GINS2: variants seen among roughly 807,000 people sequenced by gnomAD.
The protein encoded by GINS2 is GINS complex subunit 2, also known as DNA replication complex GINS protein PSF2.
GINS2 carries 23 observed loss-of-function variants against 21.2 expected under a neutral mutation model. That is an observed-to-expected ratio of 1.08 (90% CI 0.78 to 1.53). The LOEUF is 1.53. GINS2 is among the 40% of genes most tolerant of loss of function. The pLI, the probability that GINS2 is intolerant of heterozygous loss-of-function variation, is 0.00. For synonymous variants in GINS2, 118 were observed against 85.6 expected, an observed-to-expected ratio of 1.38 and a Z score of -2.09; for missense variants, 323 against 233.9, an observed-to-expected ratio of 1.38 and a Z score of -2.49.
At chr16:85,686,010 G>C (rs2053773944) in intron 2 of GINS2, among the ~76,000 whole-genome samples, 1 of 137,724 alleles carries the variant, frequency 7.3e-6, no homozygotes, top group Non-Finnish European at 1.6e-5. Flanking sequence ...AAAAAATTAA[G>C]ATTTTTTTTC....
intron 4 of GINS2, 42 bp from the exon 5 acceptor site, chr16:85,678,379 A>T: frequency 6.2e-7 from 1 of 1,609,378 alleles, no homozygotes; most frequent in South Asian, 1.1e-5. Flanking sequence ...GGAGTTTTTG[A>T]TTTTGAGAAA....
At chr16:85,681,518 G>C (rs116214397) in intron 3 of GINS2, 64 bp downstream of exon 3, 1 of 954,542 alleles carries the variant, frequency 1.0e-6, no homozygotes. Flanking sequence ...AAGGACGAGG[G>C]TTAGGGGAAG....
intron 4 of GINS2, 89 bp from the exon 5 acceptor site, chr16:85,678,426 G>A (rs2053703819): frequency 1.9e-6 from 3 of 1,555,688 alleles, no homozygotes; most frequent in Non-Finnish European, 2.6e-6. Context: ...AGAAACCAAT[G>A]AACTGTTGAA....
rs753753741 is a variant in GINS2, at chr16:85,688,859, G to A, written c.40C>T (p.Leu14=). 7.1e-5 allele frequency: 110 copies of A among 1,544,036 alleles called. No individual in the cohort carries two copies. Among genetic ancestry groups the A allele is most frequent in the Non-Finnish European group, 9.2e-5 (105 of 1,143,416 alleles). Residue 14 remains leucine (L), a synonymous_variant, in exon 1 of 5, where the codon CTG becomes TTG. Coordinates refer to ENST00000253462, the MANE Select transcript of GINS2 (RefSeq NM_016095.3). ...CTGAAGTTGGGGATAATGGTAACCAGCTCCTTCTCGGCGAGGAATTCGACC... is the reference window on the plus strand; with the variant it reads ...CTGAAGTTGGGGATAATGGTAACCAACTCCTTCTCGGCGAGGAATTCGACC... The part of the protein sequence containing the change: ...AEVEFLAEKE[L]VTIIPNFSLD...
At chr16:85,682,021 C>CTTTTTTTTTTTT (rs56847154) in intron 2 of GINS2, among the ~76,000 whole-genome samples, 4 of 73,336 alleles carry the variant, frequency 5.5e-5, no homozygotes, top group African/African-American at 1.8e-4. Context: ...CCTTTACCGC[C>CTTTTTTTTTTTT]TTTTTTTTTT....
At chr16:85,685,685 A>AAAAAAAAAAAAAAAAAC (rs56405044) in intron 2 of GINS2, among the ~76,000 whole-genome samples, 12 of 120,876 alleles carry the variant, frequency 9.9e-5, no homozygotes, top group Non-Finnish European at 1.7e-4. Context: ...AAAAAAAAAA[A>AAAAAAAAAAAAAAAAAC]AAAAAACCGT....
chr16:85,684,250 C>A (rs2152052286), intron 2 of GINS2, among the ~76,000 whole-genome samples: 1 of 152,294 alleles, frequency 6.6e-6, no homozygotes, highest in East Asian at 1.9e-4. Flanking sequence ...GGGAGGATCG[C>A]TTGAGCCCAG....
chr16:85,684,594 G>C (rs2053759816), intron 2 of GINS2, among the ~76,000 whole-genome samples: 2 of 151,940 alleles, frequency 1.3e-5, no homozygotes, highest in South Asian at 4.2e-4. Flanking sequence ...AGAGTACCCA[G>C]CAATGAAAGA....
chr16:85,678,837 C>T (rs59670358), intron 3 of GINS2, among the ~76,000 whole-genome samples, 171 bp from the exon 4 acceptor site: 3,545 of 152,184 alleles, frequency 0.023, 143 homozygotes, highest in African/African-American at 0.08. Flanking sequence ...AAGCTTGGTG[C>T]GGCAGTGATC....
intron 3 of GINS2, among the ~76,000 whole-genome samples, chr16:85,679,034 G>C (rs1030474983): frequency 3.3e-5 from 5 of 152,142 alleles, no homozygotes. Context: ...CTCAAAGGTC[G>C]AGTTCTATTG....
intron 1 of GINS2, among the ~76,000 whole-genome samples, chr16:85,688,471 G>A (rs935386077): frequency 3.9e-5 from 6 of 152,306 alleles, no homozygotes; most frequent in Non-Finnish European, 8.8e-5. Flanking sequence ...GCTTGAACCC[G>A]GGAGGCGGAG....
intron 2 of GINS2, among the ~76,000 whole-genome samples, chr16:85,685,579 G>T (rs1186155574): frequency 6.7e-6 from 1 of 148,600 alleles, no homozygotes; most frequent in South Asian, 2.2e-4. Context: ...GCTGAAGCAG[G>T]AGGATGACTT....
chr16:85,676,729 C>G lies in GINS2; in HGVS notation c.*1483G>C, dbSNP rs2053676832. On this transcript the variant is annotated 3_prime_UTR_variant, in exon 5 of 5. Transcript: ENST00000253462. ...GGCTGGCCAGGCATGGCGGCTCATG[C>G]TTGCAATCCCAGTGCTTTGGGAGGC... The G allele has an allele frequency of 6.6e-6, 1 of 152,234 alleles. No homozygotes were observed. Among genetic ancestry groups the G allele is most frequent in the African/African-American group, 2.4e-5 (1 of 41,452 alleles). 9.4% of individuals were successfully genotyped at this position (152,234 alleles called of 1,614,324 possible).
chr16:85,678,448 G>A (rs1567790133), intron 4 of GINS2, 92 bp downstream of exon 4: 1 of 1,541,232 alleles, frequency 6.5e-7, no homozygotes, highest in South Asian at 1.1e-5. Flanking sequence ...AGCACAGCTA[G>A]TAATGCCTGC....
chr16:85,686,688 T>C (rs2053780469), intron 2 of GINS2, among the ~76,000 whole-genome samples: 1 of 152,238 alleles, frequency 6.6e-6, no homozygotes. Context: ...TGCGGCCTTT[T>C]GTGCCTGGTT....
chr16:85,688,872 G>A lies in GINS2; in HGVS notation c.27C>T (p.Leu9=), dbSNP rs370209371. 7.8e-6 allele frequency: 12 copies of A among 1,542,070 alleles called. No homozygotes were observed. The highest frequency in any genetic ancestry group is 1.4e-5 in the African/African-American group (1 of 72,152). The stretch of plus-strand genomic sequence containing the variant: ...TAATGGTAACCAGCTCCTTCTCGGC[G>A]AGGAATTCGACCTCGGCAGCGTCCA... MDAAEVEF[L]AEKELVTIIP... is the part of the protein sequence containing the mutation. The change falls in exon 1 of 5, where the codon CTC becomes CTT. Residue 9 remains leucine, a synonymous_variant. Coordinates refer to ENST00000253462, the MANE Select transcript of GINS2 (RefSeq NM_016095.3).
chr16:85,685,711 C>A (rs1307761263), intron 2 of GINS2, among the ~76,000 whole-genome samples: 1 of 112,818 alleles, frequency 8.9e-6, no homozygotes, highest in Non-Finnish European at 2.0e-5. Context: ...AGCAGAGGAA[C>A]TGGGGTTTCC....
chr16:85,686,551 C>T (rs2053779338), intron 2 of GINS2, among the ~76,000 whole-genome samples: 1 of 152,124 alleles, frequency 6.6e-6, no homozygotes, highest in African/African-American at 2.4e-5. Context: ...TTCATCATGC[C>T]AAAAAGAAAC....
chr16:85,686,557 G>C lies in GINS2; in HGVS notation c.205+903C>G, dbSNP rs117632026. On this transcript the variant is annotated intron_variant, in intron 2 of 4. Coordinates refer to ENST00000253462, the MANE Select transcript of GINS2 (RefSeq NM_016095.3). The stretch of plus-strand genomic sequence containing the variant: ...ATCCCAATTTTCATCATGCCAAAAA[G>C]AAACTCCACAATCCCTCCATCACCC... Among the ~76,000 whole-genome samples the C allele has an allele frequency of 1.1e-4, 17 of 152,184 alleles. No individual in the cohort carries two copies. In the East Asian group the frequency reaches 2.7e-3, roughly 24 times the overall value.
Sources: allele counts gnomAD v4.1 joint callset (sites outside exome capture counted in the v4.1 genomes callset), GRCh38; gene constraint gnomAD v4.1.1; transcripts MANE v1.5; gene names NCBI Gene and HGNC (gene_info 2026-07-23, HGNC 2026-07-21).